TNR: variants seen among roughly 807,000 people sequenced by gnomAD.
The protein encoded by TNR is tenascin-R.
Under a neutral mutation model 150.4 loss-of-function variants are expected in TNR, and 45 were observed. That is an observed-to-expected ratio of 0.30 (90% CI 0.24 to 0.38). The LOEUF is 0.38. Ranked by LOEUF, TNR falls within the 10% of genes least tolerant of loss-of-function variation. TNR has a pLI of 1.00. For synonymous variants in TNR, 687 were observed against 678.4 expected (o/e 1.01, Z -0.20); for missense variants, 1,544 against 1,759.1 (o/e 0.88, Z 2.19).
chr1:175,651,045 T>C (rs1018929446), intron 1 of TNR, among the ~76,000 whole-genome samples: 2 of 8,594 alleles, frequency 2.3e-4, no homozygotes, highest in Admixed American at 1.7e-3. Flanking sequence ...TTACTACCCC[T>C]CCCCACCTCA....
chr1:175,636,446 T>C (rs2101877512), intron 1 of TNR, among the ~76,000 whole-genome samples: 1 of 152,252 alleles, frequency 6.6e-6, no homozygotes, highest in Admixed American at 6.5e-5. Flanking sequence ...TGAGTCATAG[T>C]TTCTCCCTGA....
intron 1 of TNR, among the ~76,000 whole-genome samples, chr1:175,578,726 G>A (rs2102226414): frequency 6.6e-6 from 1 of 152,334 alleles, no homozygotes; most frequent in East Asian, 1.9e-4. Context: ...TGGAAATCCT[G>A]TGGGGATTTT....
intron 2 of TNR, among the ~76,000 whole-genome samples, chr1:175,452,583 C>T (rs1015726813): frequency 6.6e-6 from 1 of 152,184 alleles, no homozygotes; most frequent in African/African-American, 2.4e-5. Context: ...TGGGCAGAGG[C>T]TCACATGGCT....
chr1:175,624,344 A>T (rs1477961099), intron 1 of TNR, among the ~76,000 whole-genome samples: 1 of 152,198 alleles, frequency 6.6e-6, no homozygotes, highest in Non-Finnish European at 1.5e-5. Context: ...GGAGCTTCAG[A>T]ATGTGACCTT....
At position 175,321,695 on chromosome 1, in the gene TNR, C is replaced by T. The variant is rs1649062765; in HGVS notation, c.*1662G>A. 1.3e-5 allele frequency: 2 copies of T among 152,224 alleles called. No individual in the cohort carries two copies. Among genetic ancestry groups the T allele is most frequent in the African/African-American group, 4.8e-5 (2 of 41,452 alleles). The allele number at this position is 152,224 out of a possible 1,614,324, so 9.4% of individuals were successfully genotyped here. The stretch of plus-strand genomic sequence containing the variant: ...TCAAATTGTGCTAGTGAAGACAGTG[C>T]ATCTCATAAAATGGGAAGTAGGCCC... On this transcript the variant is annotated 3_prime_UTR_variant, in exon 23 of 23. Transcript: ENST00000367674.
chr1:175,379,859 T>C lies in TNR; in HGVS notation c.1778-122A>G. The C allele has an allele frequency of 3.6e-6, 4 of 1,111,688 alleles. No individual in the cohort carries two copies. In the South Asian group the frequency reaches 6.3e-5, roughly 17 times the overall value. 68.9% of individuals were successfully genotyped at this position (1,111,688 alleles called of 1,614,324 possible). On this transcript the variant is annotated intron_variant, in intron 8 of 22. Coordinates refer to ENST00000367674, the MANE Select transcript of TNR (RefSeq NM_003285.3). ...CACCCCCTGACCCTCTGGCTCACAT[T>C]TGAATGAACACTGTGGCTACCCTTA...
At chr1:175,696,014 A>ATG (rs77802053) in intron 1 of TNR, among the ~76,000 whole-genome samples, 43 of 151,878 alleles carry the variant, frequency 2.8e-4, no homozygotes, top group East Asian at 1.2e-3. Flanking sequence ...GGATGGATGG[A>ATG]CAGATAGATT....
chr1:175,697,236 T>G (rs1666558147), intron 1 of TNR, among the ~76,000 whole-genome samples: 1 of 151,520 alleles, frequency 6.6e-6, no homozygotes, highest in African/African-American at 2.4e-5. Flanking sequence ...GGGGGTGGGG[T>G]CAGAGCATCC....
intron 1 of TNR, among the ~76,000 whole-genome samples, chr1:175,720,247 G>T (rs1667262568): frequency 6.6e-6 from 1 of 152,152 alleles, no homozygotes; most frequent in Non-Finnish European, 1.5e-5. Flanking sequence ...GAGCTCACTT[G>T]CTCTCTTGTG....
At chr1:175,577,017 A>G (rs568654531) in intron 1 of TNR, among the ~76,000 whole-genome samples, 2 of 152,290 alleles carry the variant, frequency 1.3e-5, no homozygotes, top group African/African-American at 4.8e-5. Context: ...TTTTTCAAGC[A>G]TGCCCCCTGG....
chr1:175,552,755 A>AACTTTTTC (rs1362885558), intron 1 of TNR, among the ~76,000 whole-genome samples: 3 of 152,248 alleles, frequency 2.0e-5, no homozygotes, highest in East Asian at 3.9e-4. Context: ...ATCAATTCCT[A>AACTTTTTC]ACTTTTTCCT....
chr1:175,491,769 C>T (rs1450415073), intron 2 of TNR, among the ~76,000 whole-genome samples: 1 of 151,692 alleles, frequency 6.6e-6, no homozygotes. Flanking sequence ...CCTGCCTCAG[C>T]CTCCTGAGTC....
intron 1 of TNR, among the ~76,000 whole-genome samples, chr1:175,604,252 T>A (rs766447609): frequency 2.0e-5 from 3 of 152,156 alleles, no homozygotes; most frequent in African/African-American, 7.2e-5. Context: ...CGGAGATGGA[T>A]GGCCCCTCAG....
rs1557958190 is a variant in TNR at position 175,477,701 on chromosome 1, G to A, written c.-64+50568C>T. On this transcript the variant is annotated intron_variant, in intron 2 of 22. Transcript: ENST00000367674. The stretch of plus-strand genomic sequence containing the variant: ...ATTAAGTGGAGGATCTGAAGAAAGA[G>A]AGGAAAGCATTTGGGAGAAAATTAG... 3.9e-5 allele frequency among the ~76,000 whole-genome samples: 6 copies of A among 152,362 alleles called. No individual in the cohort carries two copies. The South Asian group carries it at 1.2e-3, about 32-fold the overall frequency.
At chr1:175,476,863 C>T (rs946042053) in intron 2 of TNR, among the ~76,000 whole-genome samples, 80 of 152,284 alleles carry the variant, frequency 5.3e-4, no homozygotes, top group African/African-American at 1.9e-3. Context: ...AAACTCATAA[C>T]TATTGGTCTT....
chr1:175,497,546 C>A (rs1039094567), intron 2 of TNR, among the ~76,000 whole-genome samples: 1 of 152,156 alleles, frequency 6.6e-6, no homozygotes, highest in African/African-American at 2.4e-5. Context: ...TTGTGTTTCA[C>A]GGGGCTTCTG....
At chr1:175,375,186 T>TG (rs1652317871) in intron 9 of TNR, among the ~76,000 whole-genome samples, 1 of 151,962 alleles carries the variant, frequency 6.6e-6, no homozygotes, top group Non-Finnish European at 1.5e-5. Context: ...TGTTTTTTTT[T>TG]TTTGTTGCTG....
At chr1:175,352,366 T>C (rs766970049) in intron 18 of TNR, among the ~76,000 whole-genome samples, 8 of 152,226 alleles carry the variant, frequency 5.3e-5, no homozygotes, top group Non-Finnish European at 1.0e-4. Flanking sequence ...TTAGACCTAA[T>C]AAATATGCAA....
chr1:175,623,195 A>T (rs1188228720), intron 1 of TNR, among the ~76,000 whole-genome samples: 1 of 152,030 alleles, frequency 6.6e-6, no homozygotes, highest in Admixed American at 6.6e-5. Context: ...TTGATCATAA[A>T]CTCTGTGTAT....
Sources: allele counts gnomAD v4.1 joint callset (sites outside exome capture counted in the v4.1 genomes callset), GRCh38; gene constraint gnomAD v4.1.1; transcripts MANE v1.5; gene names NCBI Gene and HGNC (gene_info 2026-07-23, HGNC 2026-07-21).